CFAP299: variants seen among roughly 807,000 people sequenced by gnomAD.
CFAP299 encodes the protein cilia- and flagella-associated protein 299.
In CFAP299, 21 loss-of-function variants were observed where a neutral mutation model predicts 27.0. The ratio of observed to expected loss-of-function variants is 0.78; its 90% confidence interval spans 0.55 to 1.12. CFAP299 has a LOEUF of 1.12. CFAP299 is among the 50% of genes most tolerant of loss of function. CFAP299 has a pLI of 0.00. For missense variants in CFAP299, 310 were observed against 276.6 expected, an observed-to-expected ratio of 1.12 and a Z score of -0.86; for synonymous variants, 104 against 98.1, an observed-to-expected ratio of 1.06 and a Z score of -0.36.
intron 5 of CFAP299, among the ~76,000 whole-genome samples, chr4:80,950,255 C>G (rs546905911): frequency 2.0e-5 from 3 of 150,132 alleles, no homozygotes; most frequent in South Asian, 2.1e-4. Flanking sequence ...TTCCCTCCAC[C>G]CCCCCCCTTT....
chr4:80,659,524 A>C (rs1411445536), intron 3 of CFAP299, among the ~76,000 whole-genome samples: 2 of 152,080 alleles, frequency 1.3e-5, no homozygotes, highest in Non-Finnish European at 2.9e-5. Context: ...AAATCTGAAC[A>C]GCCAATAAAA....
At chr4:80,903,906 G>C (rs776411759) in intron 4 of CFAP299, among the ~76,000 whole-genome samples, 15 of 152,094 alleles carry the variant, frequency 9.9e-5, no homozygotes, top group Admixed American at 2.6e-4. Flanking sequence ...ACTTGGTCAG[G>C]AGCATAGAGA....
chr4:80,564,491 A>C (rs529378199), intron 2 of CFAP299, among the ~76,000 whole-genome samples: 2 of 152,146 alleles, frequency 1.3e-5, no homozygotes, highest in Non-Finnish European at 2.9e-5. Context: ...CCTTTATGAT[A>C]AAAACTCTCA....
intron 3 of CFAP299, among the ~76,000 whole-genome samples, chr4:80,702,797 C>G (rs1417525029): frequency 6.6e-6 from 1 of 151,754 alleles, no homozygotes; most frequent in East Asian, 1.9e-4. Context: ...TATTATGTAA[C>G]AAATGTCAGA....
chr4:80,780,421 C>T (rs891443656), intron 3 of CFAP299, among the ~76,000 whole-genome samples: 8 of 152,002 alleles, frequency 5.3e-5, no homozygotes, highest in Admixed American at 3.3e-4. Context: ...CTTTGTATTC[C>T]CATAGCAATT....
At chr4:80,485,154 G>A (rs750790892) in intron 2 of CFAP299, among the ~76,000 whole-genome samples, 6 of 151,592 alleles carry the variant, frequency 4.0e-5, no homozygotes, top group Non-Finnish European at 8.8e-5. Context: ...CACCAATGAC[G>A]TATTTTTACT....
intron 4 of CFAP299, among the ~76,000 whole-genome samples, chr4:80,900,071 A>C (rs137895042): frequency 1.2e-3 from 175 of 151,700 alleles, no homozygotes; most frequent in African/African-American, 3.8e-3. Flanking sequence ...AAATAGCATG[A>C]GTAGATAACT....
chr4:80,401,162 C>T (rs1726132384), intron 2 of CFAP299, among the ~76,000 whole-genome samples: 1 of 152,182 alleles, frequency 6.6e-6, no homozygotes, highest in African/African-American at 2.4e-5. Context: ...GGAACATTTG[C>T]AGCCTGACTA....
intron 2 of CFAP299, chr4:80,388,812 T>C (rs1221933244): frequency 2.4e-6 from 1 of 409,824 alleles, no homozygotes; most frequent in Non-Finnish European, 4.3e-6. Flanking sequence ...ATGATGTTTC[T>C]ATTTCTTCTC....
At position 80,826,452 on chromosome 4, in the gene CFAP299, A is replaced by T. The variant is rs143258190; in HGVS notation, c.334-43541A>T. On this transcript the variant is annotated intron_variant, in intron 3 of 5. Coordinates refer to ENST00000358105, the MANE Select transcript of CFAP299 (RefSeq NM_152770.3). ...AAAAAGAGAATAAAACAATCAAAAA[A>T]GGTTATGAGGAACAGGAAGAACATT... Among the ~76,000 whole-genome samples the T allele has an allele frequency of 1.2e-3, 187 of 151,904 alleles. 1 individual carries two copies. The highest frequency in any genetic ancestry group is 4.2e-3 in the African/African-American group (173 of 41,542).
intron 2 of CFAP299, among the ~76,000 whole-genome samples, chr4:80,476,960 C>CGCGT (rs1553926298): frequency 0.096 from 10,184 of 106,624 alleles, 363 homozygotes; most frequent in South Asian, 0.25. Flanking sequence ...TGTGCGCATG[C>CGCGT]GTGTGTGTGT....
chr4:80,770,249 CTCT>C (rs1435592994), intron 3 of CFAP299, among the ~76,000 whole-genome samples: 1 of 152,052 alleles, frequency 6.6e-6, no homozygotes, highest in African/African-American at 2.4e-5. Context: ...TTATCATAAC[CTCT>C]TCTTCATTTT....
At position 80,950,261 on chromosome 4, in the gene CFAP299, C is replaced by G. The variant is rs200561582; in HGVS notation, c.606+5322C>G. 1.9e-4 allele frequency among the ~76,000 whole-genome samples: 29 copies of G among 151,830 alleles called. No homozygotes were observed. In the East Asian group the frequency reaches 5.3e-3, roughly 28 times the overall value. On this transcript the variant is annotated intron_variant, in intron 5 of 5. Transcript: ENST00000358105. Reference sequence around the variant, plus strand: ...TCTTTATTCTTCCCTCCACCCCCCCCCTTTCTCATTTGATGTTTCCTTGGC... The same window carrying G: ...TCTTTATTCTTCCCTCCACCCCCCCGCTTTCTCATTTGATGTTTCCTTGGC...
rs149855499 is a variant in CFAP299 at position 80,466,570 on chromosome 4, C to A, written c.242+103686C>A. On this transcript the variant is annotated intron_variant, in intron 2 of 5. Coordinates refer to ENST00000358105, the MANE Select transcript of CFAP299 (RefSeq NM_152770.3). ...AGTCCTTTTCTGGACTGTTTACCAGCACTAAAACGATGGTAAAAATGGCCA... is the reference window on the plus strand; with the variant it reads ...AGTCCTTTTCTGGACTGTTTACCAGAACTAAAACGATGGTAAAAATGGCCA... Among the ~76,000 whole-genome samples, 540 of 152,234 alleles carry A rather than the reference C, an allele frequency of 3.5e-3. 1 individual carries two copies. Among genetic ancestry groups the A allele is most frequent in the Non-Finnish European group, 5.8e-3 (396 of 68,018 alleles).
chr4:80,946,256 C>T (rs556275346), intron 5 of CFAP299, among the ~76,000 whole-genome samples: 21 of 152,274 alleles, frequency 1.4e-4, no homozygotes, highest in African/African-American at 5.1e-4. Context: ...TTCTCTTCCA[C>T]ATGTAAGTGT....
chr4:80,904,862 A>G (rs1295224392), intron 4 of CFAP299, among the ~76,000 whole-genome samples: 5 of 152,248 alleles, frequency 3.3e-5, no homozygotes, highest in Admixed American at 3.3e-4. Flanking sequence ...GATGTATGTC[A>G]TAAGCAGCAA....
chr4:80,522,721 C>T (rs1732983176), intron 2 of CFAP299, among the ~76,000 whole-genome samples: 1 of 152,042 alleles, frequency 6.6e-6, no homozygotes, highest in Non-Finnish European at 1.5e-5. Context: ...ATGTGAATGT[C>T]CAGTTTTCCC....
chr4:80,488,969 C>G (rs1397273179), intron 2 of CFAP299, among the ~76,000 whole-genome samples: 1 of 152,200 alleles, frequency 6.6e-6, no homozygotes, highest in African/African-American at 2.4e-5. Flanking sequence ...ACAAGATCTT[C>G]TGCCTGGATC....
chr4:80,937,308 C>CTTTTTTTTTT (rs1736948672), intron 4 of CFAP299, among the ~76,000 whole-genome samples: 30 of 90,768 alleles, frequency 3.3e-4, no homozygotes, highest in South Asian at 7.9e-4. Flanking sequence ...CTTTTTTTTT[C>CTTTTTTTTTT]TTTCTTTTTT....
Sources: allele counts gnomAD v4.1 joint callset (sites outside exome capture counted in the v4.1 genomes callset), GRCh38; gene constraint gnomAD v4.1.1; transcripts MANE v1.5; gene names NCBI Gene and HGNC (gene_info 2026-07-23, HGNC 2026-07-21).